The following MOBP variants were observed in gnomAD, a reference collection of about 807,000 sequenced individuals.
MOBP encodes myelin-associated oligodendrocyte basic protein.
MOBP carries 5 observed loss-of-function variants against 15.0 expected under a neutral mutation model. The observed-to-expected ratio is 0.33, with a 90% CI of 0.17 to 0.70. MOBP has a LOEUF of 0.70. MOBP is among the 30% of genes least tolerant of loss of function. The pLI, the probability that MOBP is intolerant of heterozygous loss-of-function variation, is 0.67. For synonymous variants in MOBP, 88 were observed against 99.0 expected, an observed-to-expected ratio of 0.89 and a Z score of 0.66; for missense variants, 188 against 257.8, an observed-to-expected ratio of 0.73 and a Z score of 1.85.
chr3:39,505,226 T>G (rs1047949884), downstream of MOBP, among the ~76,000 whole-genome samples: 2 of 152,228 alleles, frequency 1.3e-5, no homozygotes, highest in Non-Finnish European at 2.9e-5. Context: ...TGTGGTTCTT[T>G]GAAAACCACC....
intron 4 of MOBP, among the ~76,000 whole-genome samples, chr3:39,512,064 A>G (rs1369344985): frequency 6.6e-6 from 1 of 152,162 alleles, no homozygotes; most frequent in Non-Finnish European, 1.5e-5. Context: ...TAATGAATAC[A>G]TTGTGTCACT....
chr3:39,519,429 T>C (rs1185512988), downstream of MOBP, among the ~76,000 whole-genome samples: 1 of 152,150 alleles, frequency 6.6e-6, no homozygotes, highest in African/African-American at 2.4e-5. Context: ...AAAATCATTT[T>C]CCAAGTTTAA....
chr3:39,513,823 A>G (rs561538183), exon 5 of MOBP: 11 of 197,974 alleles, frequency 5.6e-5, no homozygotes, highest in Non-Finnish European at 9.1e-5. Context: ...TATCCCTGGC[A>G]TGCTGTTGCT....
intron 2 of MOBP, among the ~76,000 whole-genome samples, chr3:39,497,828 T>G: frequency 6.6e-6 from 1 of 152,156 alleles, no homozygotes; most frequent in Non-Finnish European, 1.5e-5. Flanking sequence ...CAGAACCAGA[T>G]TAGTTTCAGA....
At chr3:39,513,308 T>C in intron 4 of MOBP, 1 of 1,343,020 alleles carries the variant, frequency 7.4e-7, no homozygotes, top group Non-Finnish European at 1.1e-6. Context: ...TTATACTAAC[T>C]GAACACAGAG....
downstream of MOBP, among the ~76,000 whole-genome samples, chr3:39,518,701 A>G (rs560503112): frequency 6.6e-6 from 1 of 152,332 alleles, no homozygotes; most frequent in Middle Eastern, 3.4e-3. Flanking sequence ...TGCATCCACC[A>G]TCAAGGAGAG....
Position 39,502,189 on chromosome 3 carries a change from G to A in MOBP, c.120G>A (p.Val40=). ...FTFLNSKKEI[V]DRKYSICKSG... ...TCCTCAATTCCAAGAAGGAGATAGT[G>A]GATCGGAAATACAGCATCTGTAAGA... The change falls in exon 3 of 4, where the codon GTG becomes GTA. Residue 40 remains valine, a synonymous_variant. Coordinates refer to ENST00000684792, the MANE Select transcript of MOBP (RefSeq NM_001393704.1). This position sits in a 1 kb window ranked among gnomAD's most constrained non-coding sequence, Gnocchi z 6.3. The A allele has an allele frequency of 1.2e-6, 2 of 1,614,228 alleles. No homozygotes were observed. The highest frequency in any genetic ancestry group is 1.7e-6 in the Non-Finnish European group (2 of 1,180,040).
chr3:39,494,983 C>T (rs1266915913), intron 2 of MOBP, among the ~76,000 whole-genome samples: 3 of 152,032 alleles, frequency 2.0e-5, no homozygotes, highest in Non-Finnish European at 4.4e-5. Context: ...GATTCAGGCT[C>T]CTCTGGTATT....
At chr3:39,478,662 G>C (rs1031942815) in intron 1 of MOBP, among the ~76,000 whole-genome samples, 2 of 152,138 alleles carry the variant, frequency 1.3e-5, no homozygotes, top group African/African-American at 4.8e-5. Context: ...TGAATGTGGG[G>C]TTTAACTGCT....
At chr3:39,482,116 G>A (rs756050090) in intron 2 of MOBP, among the ~76,000 whole-genome samples, 5 of 151,698 alleles carry the variant, frequency 3.3e-5, no homozygotes, top group South Asian at 2.1e-4. Context: ...TCTGTTTTTC[G>A]CCCAAACCTT....
intron 1 of MOBP, among the ~76,000 whole-genome samples, chr3:39,479,264 C>A (rs946332365): frequency 2.2e-4 from 33 of 152,258 alleles, no homozygotes; most frequent in Non-Finnish European, 2.4e-4. Flanking sequence ...TTCTATAGTT[C>A]ATTACACAAA....
chr3:39,469,100 A>G lies in MOBP; in HGVS notation c.-89+1360A>G, dbSNP rs182696686. Reference sequence around the variant, plus strand: ...TGTGTGTGTATATACATATATACATATGTGTGTGTATATATACATATATAC... The same window carrying G: ...TGTGTGTGTATATACATATATACATGTGTGTGTGTATATATACATATATAC... On this transcript the variant is annotated intron_variant, in intron 1 of 3. Transcript: ENST00000684792. 7.6e-3 allele frequency among the ~76,000 whole-genome samples: 377 copies of G among 49,518 alleles called. 91 individuals carry two copies. Among genetic ancestry groups the G allele is most frequent in the African/African-American group, 0.047 (163 of 3,494 alleles). The allele number at this position is 49,518 out of a possible 152,430, so 32.5% of individuals were successfully genotyped here.
intron 1 of MOBP, among the ~76,000 whole-genome samples, chr3:39,469,651 A>G (rs968312633): frequency 2.0e-5 from 3 of 152,262 alleles, no homozygotes. Flanking sequence ...ATGTCCCTCA[A>G]TATGGGTTTG....
At chr3:39,493,295 CT>C (rs1344583570) in intron 2 of MOBP, among the ~76,000 whole-genome samples, 1 of 152,114 alleles carries the variant, frequency 6.6e-6, no homozygotes, top group East Asian at 1.9e-4. Context: ...AATGCCACCC[CT>C]AGGACGTGTA....
At chr3:39,493,774 G>GCTC (rs2042835502) in intron 2 of MOBP, among the ~76,000 whole-genome samples, 1 of 152,204 alleles carries the variant, frequency 6.6e-6, no homozygotes, top group African/African-American at 2.4e-5. Flanking sequence ...ATCTGGAAAG[G>GCTC]CTCCCCAAGG....
chr3:39,487,680 C>T (rs112758955), intron 2 of MOBP, among the ~76,000 whole-genome samples: 16,091 of 151,762 alleles, frequency 0.11, 1,139 homozygotes, highest in Middle Eastern at 0.18. Context: ...CCAGCCACCA[C>T]GCCTGGCTAA....
chr3:39,497,165 C>G (rs1295074522), intron 2 of MOBP, among the ~76,000 whole-genome samples: 1 of 152,186 alleles, frequency 6.6e-6, no homozygotes, highest in Non-Finnish European at 1.5e-5. Context: ...TTTTAATCCA[C>G]TAATTCACTG....
chr3:39,471,364 C>T (rs1224421882), intron 1 of MOBP, among the ~76,000 whole-genome samples: 4 of 151,998 alleles, frequency 2.6e-5, no homozygotes, highest in African/African-American at 9.7e-5. Context: ...CTCCTGACCT[C>T]GTGATCTGCC....
downstream of MOBP, chr3:39,526,311 C>G (rs1259560273): frequency 6.6e-6 from 1 of 152,130 alleles, no homozygotes; most frequent in Non-Finnish European, 1.5e-5. Flanking sequence ...TAACAAGAAA[C>G]TACTGAATTC....
Sources: allele counts gnomAD v4.1 joint callset (sites outside exome capture counted in the v4.1 genomes callset), GRCh38; gene constraint gnomAD v4.1.1; non-coding constraint Gnocchi (gnomAD v3.1); transcripts MANE v1.5; gene names NCBI Gene and HGNC (gene_info 2026-07-23, HGNC 2026-07-21).